UTRN: variants seen among roughly 807,000 people sequenced by gnomAD.
UTRN encodes dystrophin-related protein 1.
Under a neutral mutation model 463.9 loss-of-function variants are expected in UTRN, and 283 were observed. The observed-to-expected ratio is 0.61, with a 90% confidence interval of 0.55 to 0.67. The LOEUF (loss-of-function observed/expected upper bound fraction) is 0.67. Among genes scored for constraint, UTRN ranks in the 30% least tolerant of loss-of-function variants. UTRN has a pLI of 0.00. For synonymous variants in UTRN, 1,442 were observed against 1,431.5 expected (o/e 1.01, Z -0.17); for missense variants, 3,922 against 4,084.3 (o/e 0.96, Z 1.08).
At chr6:144,642,974 C>T (rs1435953288) in intron 51 of UTRN, among the ~76,000 whole-genome samples, 1 of 151,978 alleles carries the variant, frequency 6.6e-6, no homozygotes, top group African/African-American at 2.4e-5. Flanking sequence ...TATCAGAATC[C>T]CAAATCCTCT....
chr6:144,783,195 C>CA (rs11354387), intron 61 of UTRN, among the ~76,000 whole-genome samples: 131 of 135,690 alleles, frequency 9.7e-4, no homozygotes, highest in Middle Eastern at 4.0e-3. Flanking sequence ...GACTCTGTCT[C>CA]AAAAAAAAAA....
intron 71 of UTRN, among the ~76,000 whole-genome samples, chr6:144,838,845 G>A (rs750973855): frequency 6.6e-5 from 10 of 152,174 alleles, no homozygotes; most frequent in Admixed American, 1.3e-4. Flanking sequence ...TACTGTATTA[G>A]AAACCCAGTG....
Position 144,766,857 on chromosome 6 carries a change from T to TGA in UTRN, c.8496-5044_8496-5043dup, listed in dbSNP as rs757664642. ...TATATTCTACAAAGGATAGTCTTCTTGAGAGAGGGGTTGACAGTGCAGCAC... is the reference window on the plus strand; with the variant it reads ...TATATTCTACAAAGGATAGTCTTCTTGAGAGAGAGGGGTTGACAGTGCAGCAC... On this transcript the variant is annotated intron_variant, in intron 58 of 74. Coordinates refer to ENST00000367545, the MANE Select transcript of UTRN (RefSeq NM_007124.3). 7.2e-5 allele frequency among the ~76,000 whole-genome samples: 11 copies of TGA among 152,112 alleles called. No individual in the cohort carries two copies. In the East Asian group the frequency reaches 2.1e-3, roughly 29 times the overall value.
chr6:144,361,567 T>C (rs1463283857), intron 2 of UTRN, among the ~76,000 whole-genome samples: 2 of 151,922 alleles, frequency 1.3e-5, no homozygotes, highest in Non-Finnish European at 2.9e-5. Flanking sequence ...ATAAGTCCCT[T>C]GTTCTTTAAA....
At chr6:144,639,602 T>C (rs1431232039) in intron 51 of UTRN, among the ~76,000 whole-genome samples, 5 of 152,228 alleles carry the variant, frequency 3.3e-5, no homozygotes, top group Non-Finnish European at 7.3e-5. Flanking sequence ...AAGCCAGAAA[T>C]TTAGGTATCA....
At chr6:144,368,049 G>A (rs1031188885) in intron 2 of UTRN, among the ~76,000 whole-genome samples, 1 of 152,052 alleles carries the variant, frequency 6.6e-6, no homozygotes, top group African/African-American at 2.4e-5. Context: ...TGAAGTGCTG[G>A]GATTACAGCC....
chr6:144,558,679 T>A (rs9399479), intron 50 of UTRN, among the ~76,000 whole-genome samples: 1 of 151,648 alleles, frequency 6.6e-6, no homozygotes, highest in Non-Finnish European at 1.5e-5. Flanking sequence ...CAAAGCAGGT[T>A]AGAGAATTTC....
intron 61 of UTRN, among the ~76,000 whole-genome samples, chr6:144,788,565 ATT>A (rs796235314): frequency 1.5e-4 from 21 of 136,778 alleles, no homozygotes; most frequent in East Asian, 4.2e-4. Context: ...AATTCATAGT[ATT>A]TTTTTTTTTT....
intron 51 of UTRN, among the ~76,000 whole-genome samples, chr6:144,652,562 A>G (rs1778921249): frequency 1.3e-5 from 2 of 152,212 alleles, no homozygotes; most frequent in African/African-American, 2.4e-5. Flanking sequence ...CAGGCCAGAC[A>G]TTCATTTTCA....
chr6:144,577,140 C>T lies in UTRN; in HGVS notation c.7331C>T (p.Thr2444Met), dbSNP rs367807203. The T allele has an allele frequency of 5.7e-5, 92 of 1,613,660 alleles. No homozygotes were observed. Among genetic ancestry groups the T allele is most frequent in the Middle Eastern group, 1.7e-4 (1 of 6,054 alleles). The change falls in exon 51 of 75, where the codon ACG (threonine) becomes ATG (methionine). Residue 2444 changes from threonine to methionine, a missense_variant. By Grantham distance (81) the Thr-to-Met change is moderately conservative. This residue lies in a region of UTRN where 1,309 missense variants were observed against 1,452.6 expected (regional missense o/e 0.90). Coordinates refer to ENST00000367545, the MANE Select transcript of UTRN (RefSeq NM_007124.3). ...AACGCCTTGGAGGCTGAGTGGAGGACGGTGCAGGCCTCTCGCAGAGATCTG... is the reference window on the plus strand; with the variant it reads ...AACGCCTTGGAGGCTGAGTGGAGGATGGTGCAGGCCTCTCGCAGAGATCTG... ...RQNALEAEWRTVQASRRDLEN... is the reference protein window; with the variant it reads ...RQNALEAEWRMVQASRRDLEN...
At chr6:144,473,894 T>C in intron 24 of UTRN, 61 bp downstream of exon 24, 1 of 1,165,654 alleles carries the variant, frequency 8.6e-7, no homozygotes, top group Non-Finnish European at 1.2e-6. Flanking sequence ...TTCTATGTTA[T>C]TTGCTGCTAT....
In UTRN at chr6:144,700,557, TTTG is replaced by T. The variant is rs1351592146; in HGVS notation, c.7809+317_7809+319del. 5.9e-5 allele frequency among the ~76,000 whole-genome samples: 9 copies of T among 151,848 alleles called. No individual in the cohort carries two copies. The Admixed American group carries it at 5.9e-4, about 10-fold the overall frequency. ...TAATATATTGAGGTTTTGGGTTTTT[TTTG>T]TTTTTTGTTTGTTTGTTTGTTTGTT... On this transcript the variant is annotated intron_variant, in intron 53 of 74. Transcript: ENST00000367545.
intron 60 of UTRN, among the ~76,000 whole-genome samples, chr6:144,777,115 A>G (rs1775392097): frequency 6.6e-6 from 1 of 152,184 alleles, no homozygotes; most frequent in Non-Finnish European, 1.5e-5. Flanking sequence ...GACCTCATAC[A>G]ATTTCTGGCA....
Position 144,499,242 on chromosome 6 carries a change from C to G in UTRN, c.4594-15C>G, listed in dbSNP as rs764332992. On this transcript the variant is annotated splice_polypyrimidine_tract_variant and intron_variant, in intron 33 of 74. Transcript: ENST00000367545. ...CATCTCAGTCTCAGTCTCTCCCTGC[C>G]TCTCTCCGTCTCAGGTGACAGAAGG... 3 of 1,607,240 alleles carry G rather than the reference C, an allele frequency of 1.9e-6. No homozygotes were observed. In the African/African-American group the frequency reaches 4.0e-5, roughly 21 times the overall value.
At chr6:144,348,621 A>G (rs1777810406) in intron 2 of UTRN, among the ~76,000 whole-genome samples, 1 of 152,202 alleles carries the variant, frequency 6.6e-6, no homozygotes, top group African/African-American at 2.4e-5. Context: ...GGAGAAAAAG[A>G]GTAGAAAGAG....
chr6:144,477,926 C>G (rs1171231048), intron 25 of UTRN, among the ~76,000 whole-genome samples: 2 of 150,336 alleles, frequency 1.3e-5, no homozygotes, highest in African/African-American at 4.9e-5. Context: ...CATCCACATA[C>G]ATATGGTGAC....
At chr6:144,648,640 A>G (rs1778509262) in intron 51 of UTRN, among the ~76,000 whole-genome samples, 1 of 152,324 alleles carries the variant, frequency 6.6e-6, no homozygotes, top group South Asian at 2.1e-4. Context: ...AGTTAAGATG[A>G]GTGCAGATCT....
chr6:144,793,745 G>T, intron 62 of UTRN, 89 bp from the exon 63 acceptor site: 1 of 1,487,676 alleles, frequency 6.7e-7, no homozygotes, highest in South Asian at 1.4e-5. Flanking sequence ...TTTTTAATCT[G>T]CATGGTTCAG....
intron 52 of UTRN, among the ~76,000 whole-genome samples, chr6:144,690,776 G>T (rs1783318310): frequency 6.6e-6 from 1 of 152,060 alleles, no homozygotes; most frequent in African/African-American, 2.4e-5. Flanking sequence ...GCTGGGTAGG[G>T]TTAAGGCCTT....
Sources: gnomAD v4.1 joint callset for allele counts (sites outside exome capture counted in the v4.1 genomes callset) on GRCh38, gnomAD v4.1.1 for gene constraint, gnomAD v4.1.1 regional missense constraint, MANE v1.5 for transcripts, NCBI Gene and HGNC (gene_info 2026-07-23, HGNC 2026-07-21) for gene names.